Variants in PI4KB observed in about 807,000 individuals in gnomAD.
The protein encoded by PI4KB is phosphatidylinositol 4-kinase beta.
In PI4KB, 23 loss-of-function variants were observed where a neutral mutation model predicts 81.4. The observed-to-expected ratio is 0.28, with a 90% CI of 0.20 to 0.40. The LOEUF (loss-of-function observed/expected upper bound fraction) is 0.40. Ranked by LOEUF, PI4KB falls within the 10% of genes least tolerant of loss-of-function variation. PI4KB has a pLI of 1.00. For synonymous variants in PI4KB, 381 were observed against 406.8 expected (o/e 0.94, Z 0.76); for missense variants, 651 against 1,036.6 (o/e 0.63, Z 5.11).
At chr1:151,301,801 G>T in intron 8 of PI4KB, 43 bp downstream of exon 8, 1 of 1,598,338 alleles carries the variant, frequency 6.3e-7, no homozygotes, top group Non-Finnish European at 8.6e-7. Context: ...CAGAGTGCTG[G>T]GATTACAGCC....
chr1:151,301,955 C>T lies in PI4KB; in HGVS notation c.1638G>A (p.Glu546=). The change falls in exon 8 of 12, where the codon GAG becomes GAA. Residue 546 remains glutamate (E), a synonymous_variant. Coordinates refer to ENST00000368873, the MANE Select transcript of PI4KB (RefSeq NM_001369623.2). ...PWQEKVRRIR[E]GSPYGHLPNW... ...TGGGGAGATGGCCGTAGGGGGAGCC[C>T]TCTCTGATCCGCCTGTGAAGACAGA... The T allele has an allele frequency of 6.2e-7, 1 of 1,613,562 alleles. No individual in the cohort carries two copies. The highest frequency in any genetic ancestry group is 1.1e-5 in the South Asian group (1 of 91,046).
intron 1 of PI4KB, 144 bp from the exon 2 acceptor site, chr1:151,316,653 G>C (rs1236075278): frequency 1.9e-6 from 1 of 535,392 alleles, no homozygotes; most frequent in African/African-American, 2.0e-5. Context: ...TTCAAAATCA[G>C]ATAAGAAGAC....
intron 2 of PI4KB, 24 bp from the exon 3 acceptor site, chr1:151,310,279 GGGA>G (rs1412087445): frequency 6.7e-7 from 1 of 1,488,324 alleles, no homozygotes; most frequent in African/African-American, 1.4e-5. Flanking sequence ...AGAGGGCAAA[GGGA>G]GAAGGAGGGG....
chr1:151,293,841 C>T (rs911425675), intron 11 of PI4KB, 177 bp downstream of exon 11: 2 of 650,176 alleles, frequency 3.1e-6, no homozygotes, highest in Non-Finnish European at 5.1e-6. Context: ...CTTAGCCTTA[C>T]CAGGGTCAGG....
intron 2 of PI4KB, among the ~76,000 whole-genome samples, chr1:151,311,441 T>C (rs1696213211): frequency 6.6e-6 from 1 of 152,190 alleles, no homozygotes; most frequent in Admixed American, 6.5e-5. Context: ...GTCAGGTCCT[T>C]CCTTGAAGAA....
intron 5 of PI4KB, 83 bp downstream of exon 5, chr1:151,306,051 GGA>G: frequency 9.1e-7 from 1 of 1,099,210 alleles, no homozygotes; most frequent in Non-Finnish European, 1.4e-6. Flanking sequence ...CCCTGCCTTG[GGA>G]TATGCTGTCT....
chr1:151,296,816 C>T (rs746752517), intron 9 of PI4KB, among the ~76,000 whole-genome samples: 89 of 151,402 alleles, frequency 5.9e-4, no homozygotes, highest in Non-Finnish European at 1.1e-3. Flanking sequence ...CTCAGTGTCA[C>T]CCAGGCTGGT....
At chr1:151,313,045 C>T (rs1038919341) in intron 2 of PI4KB, among the ~76,000 whole-genome samples, 6 of 151,094 alleles carry the variant, frequency 4.0e-5, no homozygotes, top group African/African-American at 7.4e-5. Flanking sequence ...GACAGACAGA[C>T]GGGTGGGCGG....
At position 151,303,660 on chromosome 1, in the gene PI4KB, G is replaced by GGGGAGTGCTGGTC; in HGVS notation, c.1411-23_1411-11dup. On this transcript the variant is annotated splice_polypyrimidine_tract_variant and intron_variant, in intron 5 of 11. Transcript: ENST00000368873. ...TATGCACTTCGGGGAGCTGGAGAAAGGGGAGTGCTGGTCAGAAGTGCTAAA... is the reference window on the plus strand; with the variant it reads ...TATGCACTTCGGGGAGCTGGAGAAAGGGGAGTGCTGGTCGGGAGTGCTGGTCAGAAGTGCTAAA... 6.3e-7 allele frequency: 1 copy of GGGGAGTGCTGGTC among 1,579,878 alleles called. No homozygotes were observed. Among genetic ancestry groups the GGGGAGTGCTGGTC allele is most frequent in the East Asian group, 2.2e-5 (1 of 44,692 alleles).
chr1:151,313,484 AT>A (rs1224613374), intron 2 of PI4KB, among the ~76,000 whole-genome samples: 3 of 152,194 alleles, frequency 2.0e-5, no homozygotes, highest in Non-Finnish European at 4.4e-5. Context: ...TGGTCCTAAG[AT>A]GAGCACTACA....
rs1411275969 is a variant in PI4KB, at chr1:151,307,684, G to C, written c.1072C>G (p.Leu358Val). 6.2e-7 allele frequency: 1 copy of C among 1,614,192 alleles called. No individual in the cohort carries two copies. Reference sequence around the variant, plus strand: ...CGGGCAGGGAGCTTATGGTTGAGCAGGGAGAGCTCTGAGATCAGCCTCTGT... The same window carrying C: ...CGGGCAGGGAGCTTATGGTTGAGCACGGAGAGCTCTGAGATCAGCCTCTGT... ...KTQRLISELS[L>V]LNHKLPARVW... The change falls in exon 4 of 12, where the codon CTG becomes GTG. Residue 358 changes from leucine (L) to valine (V), a missense_variant. Physicochemically the swap from Leu to Val is conservative, Grantham distance 32 (BLOSUM62 1). Around this residue, in one of 5 missense-constraint regions of PI4KB, gnomAD observed 246 missense variants for 430.1 expected, o/e 0.57. Coordinates refer to ENST00000368873, the MANE Select transcript of PI4KB (RefSeq NM_001369623.2).
intron 1 of PI4KB, among the ~76,000 whole-genome samples, chr1:151,318,802 C>T (rs1480772378): frequency 1.3e-5 from 2 of 152,076 alleles, no homozygotes; most frequent in Non-Finnish European, 2.9e-5. Context: ...CTTTTAAACT[C>T]GAAGTTCCCA....
At chr1:151,310,313 G>T in intron 2 of PI4KB, 58 bp from the exon 3 acceptor site, 1 of 1,064,866 alleles carries the variant, frequency 9.4e-7, no homozygotes, top group South Asian at 1.3e-5. Flanking sequence ...AGGGGAGAGA[G>T]ACAAAGGTAA....
chr1:151,310,300 G>T, intron 2 of PI4KB, 45 bp from the exon 3 acceptor site: 1 of 1,148,004 alleles, frequency 8.7e-7, no homozygotes, highest in South Asian at 1.3e-5. Flanking sequence ...GGGGTGGGAA[G>T]GGAGGGGAGA....
At chr1:151,327,210 A>AGCGGGGGGG in intron 1 of PI4KB, 61 bp downstream of exon 1, 1 of 135,754 alleles carries the variant, frequency 7.4e-6, no homozygotes, top group Non-Finnish European at 1.4e-5. Flanking sequence ...ACAGGGTGGG[A>AGCGGGGGGG]GAGGGACCCC....
chr1:151,326,619 C>A (rs943359958), intron 1 of PI4KB, among the ~76,000 whole-genome samples: 1 of 152,084 alleles, frequency 6.6e-6, no homozygotes, highest in Non-Finnish European at 1.5e-5. Context: ...CATAATGCAT[C>A]CCAGAGAAGA....
intron 5 of PI4KB, among the ~76,000 whole-genome samples, chr1:151,304,649 CTG>C (rs1015129939): frequency 6.8e-6 from 1 of 147,972 alleles, no homozygotes; most frequent in Admixed American, 6.7e-5. Context: ...CTGGCCCTGG[CTG>C]TGTTTTTGTT....
chr1:151,319,955 A>T (rs1441769541), intron 1 of PI4KB, among the ~76,000 whole-genome samples: 1 of 152,166 alleles, frequency 6.6e-6, no homozygotes, highest in East Asian at 1.9e-4. Flanking sequence ...AGGCCTAGAG[A>T]TTCTTTAGTC....
chr1:151,306,377 G>A lies in PI4KB; in HGVS notation c.1183-14C>T. On this transcript the variant is annotated splice_polypyrimidine_tract_variant and intron_variant, in intron 4 of 11. Transcript: ENST00000368873. ...CAGGTAGGGAGCCTGGGGGAAGAGT[G>A]AGACAGTATTTGCAACTTACTTCCA... 6.4e-7 allele frequency: 1 copy of A among 1,570,998 alleles called. No homozygotes were observed. The highest frequency in any genetic ancestry group is 2.2e-5 in the East Asian group (1 of 44,648).
Sources: allele counts gnomAD v4.1 joint callset (sites outside exome capture counted in the v4.1 genomes callset), GRCh38; gene constraint gnomAD v4.1.1; regional missense constraint gnomAD v4.1.1; transcripts MANE v1.5; gene names NCBI Gene and HGNC (gene_info 2026-07-23, HGNC 2026-07-21).